The following SGCD variants were observed in gnomAD, a reference collection of about 807,000 sequenced individuals.
SGCD encodes the protein delta-sarcoglycan.
A neutral mutation model predicts 36.6 loss-of-function variants in SGCD; 18 were observed. That is an observed-to-expected ratio of 0.49 (90% CI 0.34 to 0.73). The LOEUF is 0.73. SGCD is among the 30% of genes least tolerant of loss of function. The pLI is 0.01. For missense variants in SGCD, 387 were observed against 346.7 expected (o/e 1.12, Z -0.92); for synonymous variants, 133 against 130.6 (o/e 1.02, Z -0.12).
intron 3 of SGCD, among the ~76,000 whole-genome samples, chr5:156,416,960 C>T (rs572551753): frequency 3.3e-5 from 5 of 152,232 alleles, no homozygotes; most frequent in Admixed American, 6.5e-5. Flanking sequence ...GAATGTACAA[C>T]TTTGGCTCTA....
intron 3 of SGCD, among the ~76,000 whole-genome samples, chr5:156,144,888 G>A (rs1233046801): frequency 6.6e-6 from 1 of 152,198 alleles, no homozygotes; most frequent in Non-Finnish European, 1.5e-5. Context: ...AGGCAGAAGG[G>A]ACTAACTAGC....
intron 3 of SGCD, among the ~76,000 whole-genome samples, chr5:156,414,932 T>C (rs2127772457): frequency 6.6e-6 from 1 of 152,334 alleles, no homozygotes; most frequent in East Asian, 1.9e-4. Flanking sequence ...CTGTTCTAGG[T>C]AGCTTAGTCC....
At chr5:156,463,065 T>A (rs1004769420) in intron 3 of SGCD, among the ~76,000 whole-genome samples, 1 of 152,218 alleles carries the variant, frequency 6.6e-6, no homozygotes, top group African/African-American at 2.4e-5. Context: ...AAGATTGTAA[T>A]GACACTTTGA....
chr5:156,259,830 GCA>G (rs1765810273), intron 3 of SGCD, among the ~76,000 whole-genome samples: 1 of 152,052 alleles, frequency 6.6e-6, no homozygotes, highest in South Asian at 2.1e-4. Flanking sequence ...GAGCTGACAG[GCA>G]CACTCTTGCC....
At chr5:156,104,921 G>A (rs1311378641) in intron 1 of SGCD, among the ~76,000 whole-genome samples, 1 of 152,022 alleles carries the variant, frequency 6.6e-6, no homozygotes, top group Non-Finnish European at 1.5e-5. Flanking sequence ...TACAGAGAAA[G>A]CATTGAATAA....
chr5:156,729,528 T>C (rs1186804074), intron 7 of SGCD, among the ~76,000 whole-genome samples: 1 of 152,192 alleles, frequency 6.6e-6, no homozygotes, highest in Non-Finnish European at 1.5e-5. Flanking sequence ...ATGATACACA[T>C]AAAGGATTTA....
chr5:155,921,363 TA>T (rs755835551), intron 1 of SGCD, among the ~76,000 whole-genome samples: 8 of 152,254 alleles, frequency 5.3e-5, no homozygotes, highest in Non-Finnish European at 1.0e-4. Flanking sequence ...ACAACTCTAT[TA>T]AGAATTTTGG....
intron 1 of SGCD, among the ~76,000 whole-genome samples, chr5:155,898,033 G>C (rs1756306425): frequency 6.6e-6 from 1 of 152,174 alleles, no homozygotes; most frequent in Non-Finnish European, 1.5e-5. Context: ...ATGAATACAT[G>C]AACCCTATCC....
chr5:156,047,438 C>T (rs1304346660), intron 1 of SGCD, among the ~76,000 whole-genome samples: 1 of 152,086 alleles, frequency 6.6e-6, no homozygotes, highest in East Asian at 1.9e-4. Flanking sequence ...AACAGGCTGA[C>T]TCTCTTTTTA....
intron 7 of SGCD, among the ~76,000 whole-genome samples, chr5:156,653,687 T>C (rs1763563055): frequency 1.3e-5 from 2 of 151,932 alleles, no homozygotes; most frequent in Non-Finnish European, 2.9e-5. Flanking sequence ...TGTGAATGTT[T>C]TATATTTGTC....
intron 1 of SGCD, among the ~76,000 whole-genome samples, chr5:155,996,712 G>C (rs1176016679): frequency 6.6e-6 from 1 of 151,096 alleles, no homozygotes; most frequent in Non-Finnish European, 1.5e-5. Flanking sequence ...CTGGGAGGCA[G>C]AGGTTGCACT....
the SGCD span, among the ~76,000 whole-genome samples, chr5:155,850,741 C>T: frequency 1.3e-5 from 2 of 152,148 alleles, no homozygotes; most frequent in African/African-American, 2.4e-5. Context: ...TTTCCTTTTG[C>T]CTTTTCCCTT....
intron 3 of SGCD, among the ~76,000 whole-genome samples, chr5:156,263,445 GT>G (rs1002014601): frequency 5.9e-5 from 9 of 151,400 alleles, no homozygotes; most frequent in South Asian, 2.1e-4. Flanking sequence ...TTTTTATGAA[GT>G]TTTTTTTCTT....
intron 3 of SGCD, among the ~76,000 whole-genome samples, chr5:156,268,849 C>T (rs1225063926): frequency 6.6e-6 from 1 of 152,194 alleles, no homozygotes; most frequent in East Asian, 1.9e-4. Flanking sequence ...CTGCCTCAGC[C>T]TCCCAAAGTG....
intron 3 of SGCD, among the ~76,000 whole-genome samples, chr5:156,318,487 A>C (rs891649071): frequency 6.6e-6 from 1 of 152,088 alleles, no homozygotes; most frequent in African/African-American, 2.4e-5. Context: ...ACCACTCACT[A>C]AATATGAGGA....
chr5:156,527,521 C>T (rs1757695182), intron 4 of SGCD, among the ~76,000 whole-genome samples: 1 of 152,164 alleles, frequency 6.6e-6, no homozygotes, highest in Non-Finnish European at 1.5e-5. Context: ...AGAAAGTACA[C>T]TAGATTCAAA....
rs552811652 is a variant in SGCD, at chr5:156,316,533, C to T, written c.-43-13001C>T. ...AAGCAGAACAAAGTTGGAGGCAGCA[C>T]ACTCCCTGATTTCAAATTATATTGT... is the stretch of plus-strand genomic sequence containing the variant. On this transcript the variant is annotated intron_variant, in intron 3 of 9. Transcript: ENST00000517913. Among the ~76,000 whole-genome samples, 20 of 152,024 alleles carry T rather than the reference C, an allele frequency of 1.3e-4. No individual in the cohort carries two copies. In the East Asian group the frequency reaches 3.1e-3, roughly 24 times the overall value.
At chr5:156,324,010 G>T (rs186458838), upstream of SGCD, among the ~76,000 whole-genome samples, 39 of 152,220 alleles carry the variant, frequency 2.6e-4, no homozygotes, top group Non-Finnish European at 5.1e-4. Flanking sequence ...ACTCATATAG[G>T]TGGAAAGAAT....
chr5:155,801,838 A>T, the SGCD span, among the ~76,000 whole-genome samples: 1 of 152,202 alleles, frequency 6.6e-6, no homozygotes, highest in Admixed American at 6.5e-5. Flanking sequence ...ACCACTGGAC[A>T]GGTGGTTTAA....
Sources: gnomAD v4.1 joint callset for allele counts (sites outside exome capture counted in the v4.1 genomes callset) on GRCh38, gnomAD v4.1.1 for gene constraint, MANE v1.5 for transcripts, NCBI Gene and HGNC (gene_info 2026-07-23, HGNC 2026-07-21) for gene names.